The following RORA variants were observed in gnomAD, a reference collection of about 807,000 sequenced individuals.
The protein encoded by RORA is RAR related orphan receptor A.
A neutral mutation model predicts 69.5 loss-of-function variants in RORA; 7 were observed. That is an observed-to-expected ratio of 0.10 (90% CI 0.06 to 0.19). RORA has a LOEUF of 0.19. RORA is among the 10% of genes least tolerant of loss of function. The pLI is 1.00. For missense variants in RORA, 457 were observed against 663.0 expected (o/e 0.69, Z 3.41); for synonymous variants, 261 against 240.8 (o/e 1.08, Z -0.78).
chr15:60,778,223 T>G (rs2072202367), intron 1 of RORA, among the ~76,000 whole-genome samples: 1 of 116,690 alleles, frequency 8.6e-6, no homozygotes, highest in South Asian at 2.7e-4. Context: ...AGGTTTTTGT[T>G]TTTGTTTGTT....
At chr15:60,950,815 C>T (rs957490491) in intron 1 of RORA, among the ~76,000 whole-genome samples, 2 of 123,506 alleles carry the variant, frequency 1.6e-5, no homozygotes, top group African/African-American at 6.3e-5. Context: ...TACAAAGAGA[C>T]TTAGACTCCC....
chr15:60,931,105 G>C (rs1354909486), intron 1 of RORA, among the ~76,000 whole-genome samples: 1 of 152,184 alleles, frequency 6.6e-6, no homozygotes, highest in Non-Finnish European at 1.5e-5. Context: ...CCAGGGTCTG[G>C]GGAAGAACTC....
chr15:60,641,169 C>T (rs1430187158), intron 2 of RORA, among the ~76,000 whole-genome samples: 1 of 152,164 alleles, frequency 6.6e-6, no homozygotes, highest in Non-Finnish European at 1.5e-5. Context: ...CCAGGATGGT[C>T]TCGAACTCCT....
chr15:61,019,337 T>C (rs1382978792), intron 1 of RORA, among the ~76,000 whole-genome samples: 1 of 152,248 alleles, frequency 6.6e-6, no homozygotes, highest in East Asian at 1.9e-4. Flanking sequence ...TCCTTCATCA[T>C]GCCCTTTCTT....
intron 1 of RORA, among the ~76,000 whole-genome samples, chr15:61,119,169 A>G (rs2140809540): frequency 6.6e-6 from 1 of 151,640 alleles, no homozygotes; most frequent in East Asian, 2.0e-4. Context: ...CGCTTCCCAG[A>G]GATATTTTCA....
intron 1 of RORA, among the ~76,000 whole-genome samples, chr15:61,154,959 C>T (rs373838861): frequency 8.5e-5 from 13 of 152,168 alleles, no homozygotes; most frequent in Non-Finnish European, 1.3e-4. Context: ...GAGATTATCA[C>T]GTTCCCGGAT....
At chr15:60,907,770 C>T (rs561392552) in intron 1 of RORA, among the ~76,000 whole-genome samples, 39 of 152,274 alleles carry the variant, frequency 2.6e-4, no homozygotes, top group Non-Finnish European at 4.9e-4. Context: ...GCATTTGCTG[C>T]ACACCCTCCA....
chr15:60,670,507 G>A (rs1030001136), intron 2 of RORA, among the ~76,000 whole-genome samples: 5 of 152,120 alleles, frequency 3.3e-5, no homozygotes, highest in Non-Finnish European at 5.9e-5. Context: ...ACCATGCCCG[G>A]CCACTCCTCA....
chr15:60,880,848 T>TA (rs1214652282), intron 1 of RORA, among the ~76,000 whole-genome samples: 1 of 151,934 alleles, frequency 6.6e-6, no homozygotes, highest in East Asian at 1.9e-4. Flanking sequence ...AAGCCAGAAA[T>TA]AAAAAAATCC....
intron 1 of RORA, among the ~76,000 whole-genome samples, chr15:61,159,110 T>C (rs114082317): frequency 0.041 from 6,190 of 152,264 alleles, 171 homozygotes; most frequent in Middle Eastern, 0.095. Context: ...GACTCTGATT[T>C]AAGAACAACT....
chr15:61,162,789 T>A (rs1014642404), intron 1 of RORA, among the ~76,000 whole-genome samples: 6 of 152,216 alleles, frequency 3.9e-5, no homozygotes, highest in African/African-American at 1.4e-4. Flanking sequence ...ATAACTACTT[T>A]GGCCAGCTCA....
At chr15:60,651,155 G>C (rs2070137238) in intron 2 of RORA, among the ~76,000 whole-genome samples, 1 of 152,126 alleles carries the variant, frequency 6.6e-6, no homozygotes, top group Non-Finnish European at 1.5e-5. Flanking sequence ...TCACTTTGGT[G>C]GTTGTTACTA....
intron 1 of RORA, among the ~76,000 whole-genome samples, chr15:60,956,422 G>A (rs1372254166): frequency 6.6e-6 from 1 of 152,164 alleles, no homozygotes; most frequent in Non-Finnish European, 1.5e-5. Flanking sequence ...GGTCAAAACT[G>A]CTCACAGAGC....
At chr15:60,691,117 T>C (rs1467269525) in intron 1 of RORA, among the ~76,000 whole-genome samples, 3 of 152,110 alleles carry the variant, frequency 2.0e-5, no homozygotes, top group Non-Finnish European at 4.4e-5. Context: ...ACATCCTTTC[T>C]GTTTGTAGTT....
chr15:60,654,511 T>G (rs2070192149), intron 2 of RORA, among the ~76,000 whole-genome samples: 1 of 152,212 alleles, frequency 6.6e-6, no homozygotes, highest in South Asian at 2.1e-4. Context: ...CTGTGTTCCT[T>G]AACGCAGTAA....
chr15:60,797,144 G>A (rs1435153352), intron 1 of RORA, among the ~76,000 whole-genome samples: 1 of 151,144 alleles, frequency 6.6e-6, no homozygotes, highest in East Asian at 1.9e-4. Flanking sequence ...AAGGGAATGG[G>A]AAATGGGATT....
intron 1 of RORA, among the ~76,000 whole-genome samples, chr15:61,119,090 G>GT (rs1481593532): frequency 6.7e-6 from 1 of 149,050 alleles, no homozygotes; most frequent in Non-Finnish European, 1.5e-5. Flanking sequence ...AAGGGGGGGG[G>GT]GGGCGCCATG....
At chr15:60,606,667 C>T (rs2068953882) in intron 2 of RORA, among the ~76,000 whole-genome samples, 1 of 152,142 alleles carries the variant, frequency 6.6e-6, no homozygotes, top group African/African-American at 2.4e-5. Flanking sequence ...AAGTCCTATT[C>T]TTGACTATGC....
At chr15:60,689,149 T>C (rs2070787321) in intron 1 of RORA, among the ~76,000 whole-genome samples, 1 of 152,172 alleles carries the variant, frequency 6.6e-6, no homozygotes. Flanking sequence ...TCAATATCTG[T>C]AGGATGGAAG....
Sources: gnomAD v4.1 joint callset for allele counts (sites outside exome capture counted in the v4.1 genomes callset) on GRCh38, gnomAD v4.1.1 for gene constraint, MANE v1.5 for transcripts, NCBI Gene and HGNC (gene_info 2026-07-23, HGNC 2026-07-21) for gene names.